TBC1D8: variants seen among roughly 807,000 people sequenced by gnomAD.
TBC1D8 encodes BUB2-like protein 1.
A neutral mutation model predicts 118.8 loss-of-function variants in TBC1D8; 65 were observed. The observed-to-expected ratio is 0.55, with a 90% confidence interval of 0.45 to 0.67. The LOEUF (loss-of-function observed/expected upper bound fraction) is 0.67, where lower values mean the gene tolerates loss of function less well. TBC1D8 is among the 30% of genes least tolerant of loss of function. The pLI, the probability that TBC1D8 is intolerant of heterozygous loss-of-function variation, is 0.00. For missense variants in TBC1D8, 1,376 were observed against 1,471.2 expected (o/e 0.94, Z 1.06); for synonymous variants, 566 against 595.8 (o/e 0.95, Z 0.73).
intron 2 of TBC1D8, among the ~76,000 whole-genome samples, chr2:101,075,784 T>C (rs1397143148): frequency 2.0e-5 from 3 of 152,174 alleles, no homozygotes; most frequent in South Asian, 4.1e-4. Flanking sequence ...TATAGCAGTA[T>C]AAAACGGACT....
intron 2 of TBC1D8, among the ~76,000 whole-genome samples, chr2:101,087,071 A>T (rs867516179): frequency 6.6e-6 from 1 of 151,944 alleles, no homozygotes; most frequent in African/African-American, 2.4e-5. Context: ...GGAGTGAGCC[A>T]CCGCGCCCGG....
At chr2:101,036,985 T>C (rs1204819845) in intron 8 of TBC1D8, among the ~76,000 whole-genome samples, 1 of 152,216 alleles carries the variant, frequency 6.6e-6, no homozygotes, top group Non-Finnish European at 1.5e-5. Context: ...TCATGGCCAC[T>C]GCCCAGTGCT....
intron 2 of TBC1D8, among the ~76,000 whole-genome samples, chr2:101,082,040 G>A (rs1225633070): frequency 6.6e-6 from 1 of 152,216 alleles, no homozygotes; most frequent in Non-Finnish European, 1.5e-5. Context: ...TCAGGAGGCT[G>A]AGGCAAGAGA....
At chr2:101,059,748 G>A (rs980850911) in intron 2 of TBC1D8, among the ~76,000 whole-genome samples, 3 of 152,180 alleles carry the variant, frequency 2.0e-5, no homozygotes, top group African/African-American at 7.2e-5. Flanking sequence ...AACCATCCTG[G>A]CTAACAAGGT....
At chr2:101,111,675 C>G (rs952269277) in intron 1 of TBC1D8, among the ~76,000 whole-genome samples, 1 of 152,130 alleles carries the variant, frequency 6.6e-6, no homozygotes, top group Non-Finnish European at 1.5e-5. Flanking sequence ...GAGCGAGTTA[C>G]GCTACCTGGA....
intron 5 of TBC1D8, among the ~76,000 whole-genome samples, chr2:101,044,203 T>C (rs2105404362): frequency 6.6e-6 from 1 of 152,330 alleles, no homozygotes; most frequent in Non-Finnish European, 1.5e-5. Context: ...AGGGGGGACT[T>C]TCCTAAGATC....
intron 1 of TBC1D8, among the ~76,000 whole-genome samples, chr2:101,145,940 T>C (rs1027599006): frequency 1.3e-5 from 2 of 152,248 alleles, no homozygotes; most frequent in Non-Finnish European, 2.9e-5. Flanking sequence ...ACAATGCAAA[T>C]GTTTTTACAC....
At chr2:101,146,937 A>T (rs72982947) in intron 1 of TBC1D8, among the ~76,000 whole-genome samples, 5,418 of 152,094 alleles carry the variant, frequency 0.036, 325 homozygotes, top group African/African-American at 0.12. Flanking sequence ...GATTACACAT[A>T]TAAGTGGGAT....
chr2:101,134,170 TTC>T (rs34487679), intron 1 of TBC1D8, among the ~76,000 whole-genome samples: 28,913 of 125,758 alleles, frequency 0.23, 3,471 homozygotes, highest in Non-Finnish European at 0.29. Flanking sequence ...TCTCTTCTCT[TTC>T]TCTCTCTCTC....
chr2:101,150,112 C>T (rs140753127), intron 1 of TBC1D8, among the ~76,000 whole-genome samples: 92 of 152,328 alleles, frequency 6.0e-4, no homozygotes, highest in African/African-American at 2.1e-3. Context: ...AGTTCCTTTG[C>T]ACTTGGTTCT....
chr2:101,151,337 G>A lies in TBC1D8; in HGVS notation c.-84C>T, dbSNP rs1679557138. On this transcript the variant is annotated 5_prime_UTR_variant, in exon 1 of 20. Coordinates refer to ENST00000409318, the MANE Select transcript of TBC1D8 (RefSeq NM_001330348.2). ...TGTGAGCCGAGCCCGCTCGAGAGGC[G>A]ACGGCGGCGCGCGGGGACCACAGCC... 9.3e-7 allele frequency: 1 copy of A among 1,080,092 alleles called. No individual in the cohort carries two copies. The highest frequency in any genetic ancestry group is 1.1e-6 in the Non-Finnish European group (1 of 880,184). The allele number at this position is 1,080,092 out of a possible 1,614,324, so 66.9% of individuals were successfully genotyped here. A position where few individuals can be genotyped will look rare whatever the true frequency, so the allele number is the denominator to read the frequency against.
In TBC1D8 at chr2:101,077,125, G is replaced by A. The variant is rs563423860; in HGVS notation, c.283+13084C>T. On this transcript the variant is annotated intron_variant, in intron 2 of 19. Transcript: ENST00000409318. Reference sequence around the variant, plus strand: ...TGCAACCTCCGCCTCCCGGGTTCACGCCATTCTCCTGCCTCAGCCTCCCGG... The same window carrying A: ...TGCAACCTCCGCCTCCCGGGTTCACACCATTCTCCTGCCTCAGCCTCCCGG... 1.3e-3 allele frequency among the ~76,000 whole-genome samples: 194 copies of A among 152,018 alleles called. 1 individual carries two copies. Among genetic ancestry groups the A allele is most frequent in the African/African-American group, 4.2e-3 (175 of 41,498 alleles).
At chr2:101,037,890 A>G (rs1681124598) in intron 7 of TBC1D8, among the ~76,000 whole-genome samples, 182 bp from the exon 8 acceptor site, 1 of 152,098 alleles carries the variant, frequency 6.6e-6, no homozygotes, top group Non-Finnish European at 1.5e-5. Context: ...GTCCCACTGC[A>G]TGCTCCGGGT....
At chr2:101,138,258 C>A (rs1188152054) in intron 1 of TBC1D8, among the ~76,000 whole-genome samples, 1 of 152,160 alleles carries the variant, frequency 6.6e-6, no homozygotes, top group Non-Finnish European at 1.5e-5. Flanking sequence ...CAGATCCAAA[C>A]CACATCAGGT....
chr2:101,101,920 T>C (rs1676863322), intron 1 of TBC1D8, among the ~76,000 whole-genome samples: 1 of 151,296 alleles, frequency 6.6e-6, no homozygotes, highest in Non-Finnish European at 1.5e-5. Context: ...GGGGAAGGAA[T>C]GTAGAGGATG....
chr2:101,129,332 G>A (rs953847099), intron 1 of TBC1D8, among the ~76,000 whole-genome samples: 6 of 152,036 alleles, frequency 3.9e-5, no homozygotes, highest in East Asian at 2.0e-4. Context: ...TAGTAGACAC[G>A]GGGTTTCGCC....
At chr2:101,039,462 G>GA (rs965191719) in intron 6 of TBC1D8, among the ~76,000 whole-genome samples, 1 of 151,944 alleles carries the variant, frequency 6.6e-6, no homozygotes, top group Admixed American at 6.6e-5. Flanking sequence ...CTAAAAAGAA[G>GA]AAAAAAATAA....
chr2:101,130,913 A>G (rs757340187), intron 1 of TBC1D8, among the ~76,000 whole-genome samples: 1 of 152,226 alleles, frequency 6.6e-6, no homozygotes, highest in Non-Finnish European at 1.5e-5. Flanking sequence ...GCAATAATGC[A>G]TATACATTAT....
intron 17 of TBC1D8, among the ~76,000 whole-genome samples, chr2:101,021,372 C>T (rs1680019072): frequency 6.6e-6 from 1 of 152,184 alleles, no homozygotes; most frequent in Non-Finnish European, 1.5e-5. Context: ...ATGGCTCTCA[C>T]ACACATTCCA....
Sources: allele counts gnomAD v4.1 joint callset (sites outside exome capture counted in the v4.1 genomes callset), GRCh38; gene constraint gnomAD v4.1.1; transcripts MANE v1.5; gene names NCBI Gene and HGNC (gene_info 2026-07-23, HGNC 2026-07-21).